Variants in PSG5 observed in about 807,000 individuals in gnomAD.
The protein encoded by PSG5 is pregnancy specific beta-1-glycoprotein 5.
Under a neutral mutation model 37.7 loss-of-function variants are expected in PSG5, and 53 were observed. The observed-to-expected ratio is 1.41, with a 90% CI of 1.13 to 1.77. The LOEUF (loss-of-function observed/expected upper bound fraction) is 1.77, where lower values mean the gene tolerates loss of function less well. Among genes scored for constraint, PSG5 ranks in the 40% most tolerant of loss-of-function variants. PSG5 has a pLI of 0.00. For missense variants in PSG5, 547 were observed against 405.2 expected (o/e 1.35, Z -3.00); for synonymous variants, 221 against 155.4 (o/e 1.42, Z -3.14).
chr19:43,174,712 C>A, intron 4 of PSG5: 1 of 1,010,730 alleles, frequency 9.9e-7, no homozygotes, highest in Non-Finnish European at 1.2e-6. Flanking sequence ...GAGGCAGGCC[C>A]AGTCACCAGA....
chr19:43,179,708 C>A (rs1488096674), intron 2 of PSG5, among the ~76,000 whole-genome samples: 2 of 151,642 alleles, frequency 1.3e-5, no homozygotes, highest in African/African-American at 2.4e-5. Context: ...GCCTGGAGGT[C>A]AGTTCAGTCA....
intron 4 of PSG5, chr19:43,174,778 G>T: frequency 1.2e-5 from 14 of 1,173,432 alleles, no homozygotes; most frequent in Non-Finnish European, 1.5e-5. Flanking sequence ...TCACCCAAGG[G>T]GCTTCCTCGT....
chr19:43,168,525 C>A (rs750167049), intron 5 of PSG5, among the ~76,000 whole-genome samples: 13 of 151,496 alleles, frequency 8.6e-5, no homozygotes, highest in East Asian at 7.8e-4. Flanking sequence ...CCTGCCACCA[C>A]GCCCGGCAAA....
intron 1 of PSG5, among the ~76,000 whole-genome samples, chr19:43,186,122 G>A (rs1966933949): frequency 6.6e-6 from 1 of 151,212 alleles, no homozygotes; most frequent in East Asian, 1.9e-4. Context: ...GATTCCAAGA[G>A]CACACCACCA....
intron 1 of PSG5, among the ~76,000 whole-genome samples, chr19:43,186,051 G>A (rs1285300188): frequency 2.7e-5 from 4 of 150,292 alleles, no homozygotes; most frequent in East Asian, 1.9e-4. Context: ...ATCTCGGCTC[G>A]CTGCAACTTC....
chr19:43,170,282 T>C (rs1968877720), intron 4 of PSG5, 144 bp from the exon 5 acceptor site: 2 of 874,204 alleles, frequency 2.3e-6, no homozygotes, highest in Non-Finnish European at 3.3e-6. Flanking sequence ...TGATGGGAGA[T>C]GATTATATTC....
rs1415503926 is a variant in PSG5, at chr19:43,174,854, G to T, written c.964+361C>A. On this transcript the variant is annotated intron_variant, in intron 4 of 5. Coordinates refer to ENST00000342951, the MANE Select transcript of PSG5 (RefSeq NM_002781.4). ...GATGTTCCTTGTAGCTCATGGAATA[G>T]GTACAAGGAAACAAAGACATGGCAG... is the stretch of plus-strand genomic sequence containing the variant. 6 of 1,182,376 alleles carry T rather than the reference G, an allele frequency of 5.1e-6. 1 individual carries two copies. The highest frequency in any genetic ancestry group is 6.8e-6 in the Non-Finnish European group (6 of 887,576). The allele number at this position is 1,182,376 out of a possible 1,614,324, so 73.2% of individuals were successfully genotyped here.
chr19:43,182,401 T>A (rs1384625641), intron 2 of PSG5, among the ~76,000 whole-genome samples: 1 of 151,590 alleles, frequency 6.6e-6, no homozygotes. Context: ...TTCTCATTCT[T>A]TTGCATTCTG....
intron 2 of PSG5, among the ~76,000 whole-genome samples, chr19:43,179,950 T>C (rs982396883): frequency 1.3e-5 from 2 of 151,784 alleles, no homozygotes; most frequent in Admixed American, 1.3e-4. Context: ...CTTCTAGAAA[T>C]ACATGTGGAT....
At chr19:43,183,967 G>T (rs1969187902) in intron 2 of PSG5, among the ~76,000 whole-genome samples, 1 of 151,600 alleles carries the variant, frequency 6.6e-6, no homozygotes, top group African/African-American at 2.4e-5. Flanking sequence ...CTGACCTAAT[G>T]CTTGGCACAG....
chr19:43,180,426 C>A (rs1470149034), intron 2 of PSG5: 1 of 151,706 alleles, frequency 6.6e-6, no homozygotes, highest in East Asian at 1.9e-4. Flanking sequence ...AATTTAAAAT[C>A]CACAATGCGC....
In PSG5 at chr19:43,186,361, C is replaced by T. The variant is rs1135880; in HGVS notation, c.45G>A (p.Trp15Ter). Residue 15 changes from tryptophan (W) to a stop codon, truncating the protein, a stop_gained, in exon 1 of 6, where the codon TGG (tryptophan) becomes TGA (stop). Coordinates refer to ENST00000342951, the MANE Select transcript of PSG5 (RefSeq NM_002781.4). LOFTEE classifies it high-confidence loss of function. Reference protein sequence around the residue: ...SAPPCTQHITWKGLLLTASLL... With the variant: ...SAPPCTQHIT ...CCTCACCTGTGAGCAGGAGCCCCTT[C>T]CAGGTGATGTGCTGTGTGCAGGGAG... 6.2e-7 allele frequency: 1 copy of T among 1,612,370 alleles called. No homozygotes were observed. Among genetic ancestry groups the T allele is most frequent in the Non-Finnish European group, 8.5e-7 (1 of 1,178,964 alleles).
At chr19:43,179,501 T>C (rs34370347) in intron 2 of PSG5, among the ~76,000 whole-genome samples, 28,109 of 151,484 alleles carry the variant, frequency 0.19, 3,503 homozygotes, top group Non-Finnish European at 0.27. Context: ...TCACTTGGAG[T>C]ATGCAGTGCT....
At chr19:43,180,276 G>C (rs1417257348) in intron 2 of PSG5, 1 of 151,570 alleles carries the variant, frequency 6.6e-6, no homozygotes, top group Non-Finnish European at 1.5e-5. Flanking sequence ...GAGATCTCCT[G>C]TGCAGCCTCG....
intron 1 of PSG5, 53 bp from the exon 2 acceptor site, chr19:43,185,200 A>C (rs1482022855): frequency 6.5e-7 from 1 of 1,530,812 alleles, no homozygotes; most frequent in East Asian, 2.3e-5. Context: ...ATTGGGGTGA[A>C]AAGATGGAGC....
At chr19:43,172,372 T>G (rs1429209252) in intron 4 of PSG5, among the ~76,000 whole-genome samples, 1 of 151,440 alleles carries the variant, frequency 6.6e-6, no homozygotes, top group Non-Finnish European at 1.5e-5. Flanking sequence ...TTCAACATAG[T>G]ATTGAAAGGT....
intron 4 of PSG5, among the ~76,000 whole-genome samples, chr19:43,173,648 A>T (rs368309622): frequency 6.6e-6 from 1 of 151,584 alleles, no homozygotes; most frequent in African/African-American, 2.4e-5. Flanking sequence ...CAAAACCACA[A>T]TGTTACACCA....
chr19:43,178,845 C>T (rs1347751055), intron 2 of PSG5: 1 of 1,612,660 alleles, frequency 6.2e-7, no homozygotes, highest in Non-Finnish European at 8.5e-7. Context: ...TTTGGGATGG[C>T]AGCCTGGCTC....
intron 2 of PSG5, among the ~76,000 whole-genome samples, chr19:43,182,767 G>A (rs1484924549): frequency 7.2e-6 from 1 of 138,650 alleles, no homozygotes; most frequent in Non-Finnish European, 1.5e-5. Flanking sequence ...ATGAATGGAT[G>A]GAGGAACTGC....
Sources: allele counts gnomAD v4.1 joint callset (sites outside exome capture counted in the v4.1 genomes callset), GRCh38; gene constraint gnomAD v4.1.1; transcripts MANE v1.5; gene names NCBI Gene and HGNC (gene_info 2026-07-23, HGNC 2026-07-21).